The following DENND5B variants were observed in gnomAD, a reference collection of about 807,000 sequenced individuals.
The protein encoded by DENND5B is DENN domain-containing protein 5B.
Under a neutral mutation model 140.6 loss-of-function variants are expected in DENND5B, and 34 were observed. The ratio of observed to expected loss-of-function variants is 0.24; its 90% CI spans 0.18 to 0.32. The LOEUF is 0.32. DENND5B is among the 10% of genes least tolerant of loss of function. The pLI, the probability that DENND5B is intolerant of heterozygous loss-of-function variation, is 1.00. For missense variants in DENND5B, 1,142 were observed against 1,560.2 expected (o/e 0.73, Z 4.52); for synonymous variants, 551 against 562.1 (o/e 0.98, Z 0.28).
At chr12:31,393,641 T>C (rs921760353) in intron 17 of DENND5B, among the ~76,000 whole-genome samples, 2 of 152,208 alleles carry the variant, frequency 1.3e-5, no homozygotes, top group African/African-American at 4.8e-5. Flanking sequence ...CATCCTCATG[T>C]TTAAGAATCT....
intron 1 of DENND5B, among the ~76,000 whole-genome samples, chr12:31,581,019 C>G (rs1202301566): frequency 6.6e-6 from 1 of 152,132 alleles, no homozygotes; most frequent in African/African-American, 2.4e-5. Context: ...GTAGGAGGAT[C>G]ACTTGAGCCT....
chr12:31,512,922 G>A (rs1565653113), intron 1 of DENND5B, among the ~76,000 whole-genome samples: 1 of 152,122 alleles, frequency 6.6e-6, no homozygotes, highest in Non-Finnish European at 1.5e-5. Context: ...CATTATTAGC[G>A]AAAGTCTAAA....
intron 3 of DENND5B, among the ~76,000 whole-genome samples, chr12:31,478,223 G>C (rs1279574495): frequency 6.6e-6 from 1 of 152,116 alleles, no homozygotes; most frequent in African/African-American, 2.4e-5. Flanking sequence ...ACAACCTTGT[G>C]AACGGCTGTC....
chr12:31,580,000 T>C (rs887545328), intron 1 of DENND5B, among the ~76,000 whole-genome samples: 7 of 123,908 alleles, frequency 5.6e-5, no homozygotes, highest in Non-Finnish European at 1.2e-4. Flanking sequence ...GGATTAAACT[T>C]TATTGAAACA....
At chr12:31,392,138 CAAA>C (rs879273266) in intron 19 of DENND5B, 126 bp downstream of exon 19, 147 of 715,906 alleles carry the variant, frequency 2.1e-4, no homozygotes, top group South Asian at 4.6e-4. Flanking sequence ...GATTCCGTCT[CAAA>C]AAAAAAAAAA....
chr12:31,504,423 C>T (rs752255337), intron 1 of DENND5B, among the ~76,000 whole-genome samples: 12 of 152,294 alleles, frequency 7.9e-5, no homozygotes, highest in Non-Finnish European at 1.3e-4. Flanking sequence ...GGTTGCTTCA[C>T]GCTTCCTCTC....
intron 1 of DENND5B, among the ~76,000 whole-genome samples, chr12:31,510,108 C>T (rs1339722894): frequency 6.6e-6 from 1 of 152,118 alleles, no homozygotes; most frequent in East Asian, 1.9e-4. Context: ...AACAACTTTT[C>T]CCCTGTAATA....
chr12:31,462,751 A>C (rs956180620), intron 3 of DENND5B, among the ~76,000 whole-genome samples: 3 of 152,106 alleles, frequency 2.0e-5, no homozygotes, highest in African/African-American at 7.2e-5. Context: ...CTGAGGTCAG[A>C]AGTTAGAGGC....
chr12:31,540,033 G>A (rs1013949969), intron 1 of DENND5B, among the ~76,000 whole-genome samples: 14 of 151,992 alleles, frequency 9.2e-5, no homozygotes, highest in African/African-American at 3.1e-4. Context: ...TAAAGCTGCA[G>A]GATACAAAAT....
chr12:31,451,761 AC>A (rs1944534861), intron 5 of DENND5B, 178 bp downstream of exon 5: 3 of 653,702 alleles, frequency 4.6e-6, no homozygotes, highest in Non-Finnish European at 7.5e-6. Context: ...ATGTAAAAAT[AC>A]TTGGTAAAGA....
chr12:31,488,902 T>C (rs1292726130), intron 2 of DENND5B, among the ~76,000 whole-genome samples: 3 of 152,236 alleles, frequency 2.0e-5, no homozygotes, highest in Non-Finnish European at 4.4e-5. Context: ...CTACTACTAG[T>C]AACCAGATTA....
At chr12:31,434,562 T>A (rs756342299) in intron 7 of DENND5B, among the ~76,000 whole-genome samples, 92 of 152,194 alleles carry the variant, frequency 6.0e-4, no homozygotes, top group Non-Finnish European at 1.1e-3. Flanking sequence ...AATGTTTCCC[T>A]TATTCAAAGG....
At chr12:31,565,790 G>A (rs566232306) in intron 1 of DENND5B, among the ~76,000 whole-genome samples, 7 of 152,038 alleles carry the variant, frequency 4.6e-5, no homozygotes, top group East Asian at 1.9e-4. Context: ...TTCATTTAAC[G>A]TCTCTAAACA....
Position 31,426,407 on chromosome 12 carries a change from T to C in DENND5B, c.2124A>G (p.Ala708=). 2 of 1,612,052 alleles carry C rather than the reference T, an allele frequency of 1.2e-6. No individual in the cohort carries two copies. Among genetic ancestry groups the C allele is most frequent in the Non-Finnish European group, 1.7e-6 (2 of 1,178,922 alleles). Residue 708 remains alanine (A), a synonymous_variant, in exon 9 of 21, where the codon GCA becomes GCG. Transcript: ENST00000389082. ...GCCTCAGGTTTTTTCCTAAACTTCG[T>C]GCCTCTTGCATATATTTCTAAAAAA... is the stretch of plus-strand genomic sequence containing the variant. ...NDLREKYMQE[A]RSLGKNLRQP...
intron 1 of DENND5B, among the ~76,000 whole-genome samples, chr12:31,567,085 T>A (rs947261333): frequency 3.3e-5 from 5 of 152,194 alleles, no homozygotes; most frequent in Non-Finnish European, 5.9e-5. Flanking sequence ...TATTTCAAAA[T>A]AAAAATAATT....
At chr12:31,475,993 G>A (rs1370872275) in intron 3 of DENND5B, among the ~76,000 whole-genome samples, 3 of 151,522 alleles carry the variant, frequency 2.0e-5, no homozygotes. Context: ...AGGCATGGTG[G>A]TGCGCGCCTG....
At chr12:31,565,174 A>G (rs1024472694) in intron 1 of DENND5B, among the ~76,000 whole-genome samples, 4 of 152,000 alleles carry the variant, frequency 2.6e-5, no homozygotes, top group African/African-American at 7.2e-5. Context: ...TCAGAGGCCA[A>G]GGCAGGTGGC....
At chr12:31,574,295 A>ATTATT (rs1949931376) in intron 1 of DENND5B, among the ~76,000 whole-genome samples, 1 of 144,576 alleles carries the variant, frequency 6.9e-6, no homozygotes, top group African/African-American at 2.5e-5. Context: ...TAATAATAAT[A>ATTATT]ATTTAAAAGG....
intron 1 of DENND5B, among the ~76,000 whole-genome samples, chr12:31,521,690 A>G (rs991575732): frequency 1.3e-5 from 2 of 152,166 alleles, no homozygotes; most frequent in African/African-American, 4.8e-5. Flanking sequence ...CATTAAACCA[A>G]GGAATGATTC....
Sources: gnomAD v4.1 joint callset for allele counts (sites outside exome capture counted in the v4.1 genomes callset) on GRCh38, gnomAD v4.1.1 for gene constraint, MANE v1.5 for transcripts, NCBI Gene and HGNC (gene_info 2026-07-23, HGNC 2026-07-21) for gene names.